Variants in CTNNA2 observed in about 807,000 individuals in gnomAD.
CTNNA2 encodes the protein catenin alpha-2.
In CTNNA2, 42 loss-of-function variants were observed where a neutral mutation model predicts 101.0. The ratio of observed to expected loss-of-function variants is 0.42; its 90% CI spans 0.32 to 0.54. The LOEUF is 0.54. Ranked by LOEUF, CTNNA2 falls within the 20% of genes least tolerant of loss-of-function variation. The pLI is 0.14. For missense variants in CTNNA2, 871 were observed against 1,223.1 expected (o/e 0.71, Z 4.29); for synonymous variants, 450 against 456.4 (o/e 0.99, Z 0.18).
intron 9 of CTNNA2, among the ~76,000 whole-genome samples, chr2:80,469,539 A>T (rs1434250972): frequency 6.6e-6 from 1 of 152,232 alleles, no homozygotes; most frequent in African/African-American, 2.4e-5. Context: ...ACTAGTAGCT[A>T]GTAGACATTA....
At chr2:80,044,020 C>A (rs903864410) in intron 7 of CTNNA2, among the ~76,000 whole-genome samples, 2 of 152,132 alleles carry the variant, frequency 1.3e-5, no homozygotes, top group African/African-American at 4.8e-5. Context: ...GAGCTATTCC[C>A]TTGGTGGTAA....
chr2:79,476,937 C>T lies in CTNNA2; in HGVS notation c.-134-28117C>T, dbSNP rs552601346. The stretch of plus-strand genomic sequence containing the variant: ...AGATGTTTTTACTTCCATGTCTTTA[C>T]TTTCTAAAGATGCCTTTACTTCATA... On this transcript the variant is annotated intron_variant, in intron 4 of 21. Coordinates refer to the CTNNA2 transcript ENST00000466387. 3.3e-5 allele frequency among the ~76,000 whole-genome samples: 5 copies of T among 152,190 alleles called. No homozygotes were observed. In the East Asian group the frequency reaches 9.7e-4, roughly 30 times the overall value.
At chr2:79,834,054 A>G (rs1367310729) in intron 3 of CTNNA2, among the ~76,000 whole-genome samples, 1 of 152,296 alleles carries the variant, frequency 6.6e-6, no homozygotes, top group Admixed American at 6.5e-5. Flanking sequence ...ACACAATTGC[A>G]CTAAACAATT....
At chr2:80,006,978 A>G (rs1355522937) in intron 7 of CTNNA2, among the ~76,000 whole-genome samples, 3 of 152,130 alleles carry the variant, frequency 2.0e-5, no homozygotes, top group African/African-American at 7.2e-5. Context: ...ATTTTTGACA[A>G]TGCATTTGTG....
At chr2:80,341,915 A>G (rs542723444) in intron 7 of CTNNA2, among the ~76,000 whole-genome samples, 5 of 152,220 alleles carry the variant, frequency 3.3e-5, no homozygotes, top group African/African-American at 4.8e-5. Flanking sequence ...CATGCAATGG[A>G]ATATAATTCA....
intron 7 of CTNNA2, among the ~76,000 whole-genome samples, chr2:80,192,484 T>C (rs1706568365): frequency 6.6e-6 from 1 of 152,194 alleles, no homozygotes; most frequent in Admixed American, 6.5e-5. Context: ...ATGAGAATAG[T>C]AAAATAAATC....
chr2:80,044,469 T>C (rs1016045478), intron 7 of CTNNA2, among the ~76,000 whole-genome samples: 2 of 152,120 alleles, frequency 1.3e-5, no homozygotes, highest in African/African-American at 4.8e-5. Flanking sequence ...CTAAAATACA[T>C]GCCATTATGA....
Position 79,466,302 on chromosome 2 carries a change from G to A in CTNNA2, c.-134-38752G>A, listed in dbSNP as rs139404991. On this transcript the variant is annotated intron_variant, in intron 4 of 21. Coordinates refer to the CTNNA2 transcript ENST00000466387. ...ATTGCTAGCACAGCAGTCTGAGATC[G>A]AACTGCAAGGTGGCAGCAAGGCTGG... 0.011 allele frequency among the ~76,000 whole-genome samples: 1,646 copies of A among 152,262 alleles called. 80 individuals are homozygous for A. The East Asian group carries it at 0.13, about 12-fold the overall frequency.
intron 1 of CTNNA2, among the ~76,000 whole-genome samples, chr2:79,596,057 C>T (rs374877958): frequency 3.9e-4 from 59 of 151,682 alleles, no homozygotes; most frequent in Non-Finnish European, 5.4e-4. Context: ...ATTGCTCTAT[C>T]TTGGGGAAGC....
intron 9 of CTNNA2, among the ~76,000 whole-genome samples, chr2:80,503,600 A>G (rs1316156439): frequency 6.6e-6 from 1 of 152,146 alleles, no homozygotes; most frequent in African/African-American, 2.4e-5. Flanking sequence ...AATGGCTCTT[A>G]GAGACCTAAT....
chr2:79,817,961 T>C (rs1677664315), intron 3 of CTNNA2, among the ~76,000 whole-genome samples: 1 of 152,208 alleles, frequency 6.6e-6, no homozygotes, highest in South Asian at 2.1e-4. Flanking sequence ...TTTTATGCTG[T>C]TCTGCTAAAA....
chr2:79,381,270 C>T (rs1194520770), intron 4 of CTNNA2, among the ~76,000 whole-genome samples: 1 of 152,078 alleles, frequency 6.6e-6, no homozygotes, highest in Non-Finnish European at 1.5e-5. Flanking sequence ...GATGCATGTA[C>T]CCCAAAACTC....
chr2:80,152,315 A>C (rs1255023575), intron 7 of CTNNA2, among the ~76,000 whole-genome samples: 1 of 144,434 alleles, frequency 6.9e-6, no homozygotes, highest in African/African-American at 2.8e-5. Context: ...ATGCCACTTG[A>C]TGTTTTTTTT....
intron 14 of CTNNA2, among the ~76,000 whole-genome samples, chr2:80,583,435 G>A (rs555729201): frequency 1.3e-5 from 2 of 152,292 alleles, no homozygotes; most frequent in South Asian, 2.1e-4. Context: ...TTGACTCTGT[G>A]TTGGCAAAAC....
chr2:79,799,215 C>T (rs11901772), intron 3 of CTNNA2, among the ~76,000 whole-genome samples: 18,512 of 151,580 alleles, frequency 0.12, 1,698 homozygotes, highest in East Asian at 0.37. Context: ...AGCCTCATTC[C>T]CCCTCTTCTT....
At chr2:80,620,662 A>T (rs973168153) in intron 18 of CTNNA2, among the ~76,000 whole-genome samples, 1 of 151,924 alleles carries the variant, frequency 6.6e-6, no homozygotes, top group Non-Finnish European at 1.5e-5. Context: ...TATCCCTCTT[A>T]AGTCTCTGAC....
chr2:80,377,041 T>C (rs1354212079), intron 7 of CTNNA2, among the ~76,000 whole-genome samples: 2 of 152,216 alleles, frequency 1.3e-5, no homozygotes, highest in African/African-American at 4.8e-5. Context: ...TCCTCATGAC[T>C]GGACTATAGA....
intron 3 of CTNNA2, among the ~76,000 whole-genome samples, chr2:79,790,380 T>C (rs1334338314): frequency 1.3e-5 from 2 of 152,190 alleles, no homozygotes; most frequent in Non-Finnish European, 2.9e-5. Flanking sequence ...TGAAAATTGC[T>C]CTTTGCCAGT....
chr2:79,312,859 A>ATCTTCCTTTCC (rs1676415510), intron 3 of CTNNA2: 1 of 152,192 alleles, frequency 6.6e-6, no homozygotes. Flanking sequence ...AATCACTTTT[A>ATCTTCCTTTCC]TTGTTTCATC....
Sources: gnomAD v4.1 joint callset for allele counts (sites outside exome capture counted in the v4.1 genomes callset) on GRCh38, gnomAD v4.1.1 for gene constraint, MANE v1.5 for transcripts, NCBI Gene and HGNC (gene_info 2026-07-23, HGNC 2026-07-21) for gene names.